Variants in ATP8A2 observed in about 807,000 individuals in gnomAD.
ATP8A2 encodes ATPase phospholipid transporting 8A2, also known as phospholipid-transporting ATPase IB.
A neutral mutation model predicts 165.6 loss-of-function variants in ATP8A2; 100 were observed. The ratio of observed to expected loss-of-function variants is 0.60; its 90% CI spans 0.51 to 0.71. The LOEUF is 0.71. ATP8A2 is among the 30% of genes least tolerant of loss of function. The pLI is 0.00. For synonymous variants in ATP8A2, 543 were observed against 548.8 expected (o/e 0.99, Z 0.15); for missense variants, 1,227 against 1,479.5 (o/e 0.83, Z 2.80).
At chr13:25,592,944 A>G (rs1214298492) in intron 24 of ATP8A2, among the ~76,000 whole-genome samples, 3 of 152,212 alleles carry the variant, frequency 2.0e-5, no homozygotes, top group Non-Finnish European at 4.4e-5. Context: ...TTCAGTATCT[A>G]CTGAGCAGAG....
intron 35 of ATP8A2, among the ~76,000 whole-genome samples, chr13:26,010,182 C>A (rs1956815672): frequency 1.3e-5 from 2 of 152,272 alleles, no homozygotes; most frequent in Non-Finnish European, 2.9e-5. Flanking sequence ...AAAGCCCCAT[C>A]TGACCTTTGT....
At chr13:25,641,984 G>A (rs1185963918) in intron 24 of ATP8A2, among the ~76,000 whole-genome samples, 1 of 152,090 alleles carries the variant, frequency 6.6e-6, no homozygotes, top group African/African-American at 2.4e-5. Context: ...AAACCTGACA[G>A]AAACAAGAAA....
intron 25 of ATP8A2, among the ~76,000 whole-genome samples, chr13:25,745,587 C>G (rs1182880863): frequency 6.6e-6 from 1 of 152,104 alleles, no homozygotes; most frequent in Non-Finnish European, 1.5e-5. Flanking sequence ...TGTATCCACT[C>G]TATGATCAAA....
intron 24 of ATP8A2, among the ~76,000 whole-genome samples, chr13:25,599,761 A>C (rs1312618833): frequency 6.6e-6 from 1 of 152,206 alleles, no homozygotes; most frequent in Non-Finnish European, 1.5e-5. Context: ...TGATGACTGC[A>C]ATGGCAAGGA....
intron 1 of ATP8A2, among the ~76,000 whole-genome samples, chr13:25,382,597 G>C (rs1292848211): frequency 1.3e-5 from 2 of 152,276 alleles, no homozygotes; most frequent in Middle Eastern, 3.4e-3. Context: ...CCAGCATTTG[G>C]TGCTTTCAGT....
At chr13:25,683,807 G>A (rs1477101084) in intron 24 of ATP8A2, among the ~76,000 whole-genome samples, 3 of 151,732 alleles carry the variant, frequency 2.0e-5, no homozygotes, top group Non-Finnish European at 4.4e-5. Flanking sequence ...TGTGAATATC[G>A]TTAGGTGGGG....
At chr13:25,531,137 G>GTATATATATATGT (rs1555291003) in intron 4 of ATP8A2, among the ~76,000 whole-genome samples, 4 of 135,520 alleles carry the variant, frequency 3.0e-5, no homozygotes, top group African/African-American at 8.5e-5. Flanking sequence ...GTGTGTGTGT[G>GTATATATATATGT]TATATATATG....
intron 27 of ATP8A2, among the ~76,000 whole-genome samples, chr13:25,800,481 C>T (rs1950599571): frequency 6.6e-6 from 1 of 152,100 alleles, no homozygotes; most frequent in African/African-American, 2.4e-5. Context: ...AAGCCTCTTT[C>T]CCGTGATTTT....
chr13:25,507,150 A>G (rs896322083), intron 2 of ATP8A2, among the ~76,000 whole-genome samples: 1 of 151,842 alleles, frequency 6.6e-6, no homozygotes, highest in Admixed American at 6.6e-5. Context: ...ATAGAACTAA[A>G]TACATGCCAA....
chr13:25,694,144 A>G (rs2042787089), intron 24 of ATP8A2, among the ~76,000 whole-genome samples: 2 of 152,178 alleles, frequency 1.3e-5, no homozygotes, highest in Non-Finnish European at 2.9e-5. Context: ...CATCCAGTCT[A>G]TCCTCATGTG....
chr13:25,438,272 A>T (rs1001571362), intron 1 of ATP8A2, among the ~76,000 whole-genome samples: 2 of 152,202 alleles, frequency 1.3e-5, no homozygotes, highest in Non-Finnish European at 2.9e-5. Flanking sequence ...AAAATATATT[A>T]TCAACCATTC....
intron 24 of ATP8A2, among the ~76,000 whole-genome samples, chr13:25,628,182 G>A (rs1176109549): frequency 6.6e-6 from 1 of 152,162 alleles, no homozygotes; most frequent in African/African-American, 2.4e-5. Flanking sequence ...AACCCATGCT[G>A]TCTGCCTCTA....
At chr13:25,803,204 T>C (rs1158449013) in intron 27 of ATP8A2, among the ~76,000 whole-genome samples, 1 of 152,184 alleles carries the variant, frequency 6.6e-6, no homozygotes. Context: ...TGAATGACTT[T>C]ATGTTTATGT....
chr13:25,755,179 C>T (rs1204835687), intron 25 of ATP8A2, among the ~76,000 whole-genome samples: 1 of 152,162 alleles, frequency 6.6e-6, no homozygotes, highest in Non-Finnish European at 1.5e-5. Context: ...GGCATCAGGT[C>T]AGGATGAGCT....
chr13:25,783,406 C>G (rs2044937170), intron 27 of ATP8A2, among the ~76,000 whole-genome samples: 1 of 152,210 alleles, frequency 6.6e-6, no homozygotes, highest in African/African-American at 2.4e-5. Context: ...ATTCTGCTTT[C>G]CTTGCCTCAT....
chr13:25,503,197 G>A (rs2036912674), intron 2 of ATP8A2, among the ~76,000 whole-genome samples: 1 of 152,196 alleles, frequency 6.6e-6, no homozygotes, highest in Admixed American at 6.5e-5. Flanking sequence ...ACGCAAAGTT[G>A]TGTGATGAGT....
At chr13:25,715,969 C>T (rs2043247222) in intron 25 of ATP8A2, among the ~76,000 whole-genome samples, 1 of 152,166 alleles carries the variant, frequency 6.6e-6, no homozygotes, top group Non-Finnish European at 1.5e-5. Flanking sequence ...GTCCCAGTTC[C>T]ACCACATCCT....
chr13:25,889,420 A>T (rs1185636436), intron 33 of ATP8A2, among the ~76,000 whole-genome samples: 2 of 152,054 alleles, frequency 1.3e-5, no homozygotes, highest in Non-Finnish European at 2.9e-5. Flanking sequence ...GAACTCTTGA[A>T]GAAATAATTT....
intron 2 of ATP8A2, among the ~76,000 whole-genome samples, chr13:25,480,314 C>T (rs1460123804): frequency 1.3e-5 from 2 of 151,444 alleles, no homozygotes; most frequent in Non-Finnish European, 2.9e-5. Flanking sequence ...CACCTCCCTC[C>T]CGGACGGGGC....
Sources: gnomAD v4.1 joint callset for allele counts (sites outside exome capture counted in the v4.1 genomes callset) on GRCh38, gnomAD v4.1.1 for gene constraint, MANE v1.5 for transcripts, NCBI Gene and HGNC (gene_info 2026-07-23, HGNC 2026-07-21) for gene names.